WNT7A: variants seen among roughly 807,000 people sequenced by gnomAD.
WNT7A encodes Wnt family member 7A, also known as protein Wnt-7a.
In WNT7A, 16 loss-of-function variants were observed where a neutral mutation model predicts 28.2. That is an observed-to-expected ratio of 0.57 (90% CI 0.38 to 0.86). The LOEUF is 0.86. WNT7A is among the 40% of genes least tolerant of loss of function. WNT7A has a pLI of 0.00. For missense variants in WNT7A, 411 were observed against 489.7 expected (o/e 0.84, Z 1.52); for synonymous variants, 190 against 195.9 (o/e 0.97, Z 0.25).
chr3:13,856,957 AAGAAGAAGAAGG>A (rs1575069824), intron 2 of WNT7A, among the ~76,000 whole-genome samples: 2 of 105,794 alleles, frequency 1.9e-5, no homozygotes, highest in African/African-American at 4.2e-5. Flanking sequence ...GAAGAAGAAG[AAGAAGAAGAAGG>A]AGAAGAAGAA....
intron 3 of WNT7A, among the ~76,000 whole-genome samples, chr3:13,851,913 TA>T (rs1694644432): frequency 6.6e-6 from 1 of 152,204 alleles, no homozygotes; most frequent in Non-Finnish European, 1.5e-5. Flanking sequence ...ACTATAATTC[TA>T]AAATCACCTC....
At chr3:13,855,564 A>C (rs1052416369) in intron 2 of WNT7A, among the ~76,000 whole-genome samples, 7 of 152,136 alleles carry the variant, frequency 4.6e-5, no homozygotes, top group African/African-American at 1.4e-4. Flanking sequence ...CAGGGTCCTG[A>C]GCAGCTGGGG....
chr3:13,850,035 G>A (rs1694602216), intron 3 of WNT7A, among the ~76,000 whole-genome samples: 2 of 152,238 alleles, frequency 1.3e-5, no homozygotes, highest in South Asian at 4.1e-4. Flanking sequence ...AAGAAACCAA[G>A]GCCCTGAAAG....
intron 2 of WNT7A, among the ~76,000 whole-genome samples, chr3:13,872,853 C>A (rs193299498): frequency 6.6e-6 from 1 of 152,140 alleles, no homozygotes. Context: ...GAAAATTATA[C>A]GGGAATGAAC....
chr3:13,831,324 C>T (rs1165718031), intron 3 of WNT7A, among the ~76,000 whole-genome samples: 4 of 152,188 alleles, frequency 2.6e-5, no homozygotes, highest in African/African-American at 9.7e-5. Context: ...GGAAGGTTGA[C>T]CATCATCAGC....
At position 13,852,540 on chromosome 3, in the gene WNT7A, C is replaced by T. The variant is rs553182483; in HGVS notation, c.570+1992G>A. Among the ~76,000 whole-genome samples, 6 of 152,302 alleles carry T rather than the reference C, an allele frequency of 3.9e-5. No homozygotes were observed. In the East Asian group the frequency reaches 5.8e-4, roughly 15 times the overall value. On this transcript the variant is annotated intron_variant, in intron 3 of 3. Coordinates refer to ENST00000285018, the MANE Select transcript of WNT7A (RefSeq NM_004625.4). ...ACAAGGAGTGGGTCATAGTCCCAAT[C>T]GACAGATGTGGAAACTGAGGTCGCA...
At chr3:13,857,333 G>A (rs1360130794) in intron 2 of WNT7A, among the ~76,000 whole-genome samples, 1 of 152,184 alleles carries the variant, frequency 6.6e-6, no homozygotes, top group African/African-American at 2.4e-5. Flanking sequence ...CAGGCTTTGA[G>A]TGCTGCTGAG....
chr3:13,837,224 C>T (rs1360232870), intron 3 of WNT7A, among the ~76,000 whole-genome samples: 1 of 152,178 alleles, frequency 6.6e-6, no homozygotes, highest in Non-Finnish European at 1.5e-5. Context: ...ACACCAAGCC[C>T]ATTCCTGCCC....
At chr3:13,840,862 T>C (rs1694446453) in intron 3 of WNT7A, among the ~76,000 whole-genome samples, 1 of 152,150 alleles carries the variant, frequency 6.6e-6, no homozygotes, top group Admixed American at 6.5e-5. Flanking sequence ...CACTCAGCCA[T>C]GCACTCATCC....
chr3:13,865,337 C>T lies in WNT7A; in HGVS notation c.298+9610G>A, dbSNP rs115058943. Among the ~76,000 whole-genome samples the T allele has an allele frequency of 8.3e-3, 1,265 of 152,240 alleles. 15 individuals are homozygous for T. The highest frequency in any genetic ancestry group is 0.029 in the African/African-American group (1,190 of 41,536). On this transcript the variant is annotated intron_variant, in intron 2 of 3. Coordinates refer to ENST00000285018, the MANE Select transcript of WNT7A (RefSeq NM_004625.4). The stretch of plus-strand genomic sequence containing the variant: ...TCTCCCCGGGGCAGCTGGCAGTAGG[C>T]GGCAGGTGGAGCCTGGGAACGGGCA...
At chr3:13,840,345 T>G (rs1694436366) in intron 3 of WNT7A, among the ~76,000 whole-genome samples, 1 of 152,190 alleles carries the variant, frequency 6.6e-6, no homozygotes, top group Admixed American at 6.5e-5. Context: ...GTTTGTTGTC[T>G]CCCTTCCCCC....
chr3:13,833,584 T>A (rs1416658558), intron 3 of WNT7A, among the ~76,000 whole-genome samples: 1 of 152,230 alleles, frequency 6.6e-6, no homozygotes, highest in African/African-American at 2.4e-5. Flanking sequence ...AGATGCATTC[T>A]GGGTGCCTCT....
chr3:13,859,329 AG>A (rs1363106003), intron 2 of WNT7A, among the ~76,000 whole-genome samples: 3 of 152,202 alleles, frequency 2.0e-5, no homozygotes, highest in Non-Finnish European at 4.4e-5. Context: ...CCCTGCCAAA[AG>A]CTGTGTGACC....
At chr3:13,843,673 G>T (rs1478766685) in intron 3 of WNT7A, among the ~76,000 whole-genome samples, 1 of 150,150 alleles carries the variant, frequency 6.7e-6, no homozygotes, top group Non-Finnish European at 1.5e-5. Context: ...TGTGAGACTT[G>T]GCCAGGAAAA....
At position 13,879,830 on chromosome 3, in the gene WNT7A, C is replaced by A; in HGVS notation, c.-14G>T. On this transcript the variant is annotated 5_prime_UTR_variant, in exon 1 of 4. Coordinates refer to ENST00000285018, the MANE Select transcript of WNT7A (RefSeq NM_004625.4). ...TTTCCGGTTCATAGTCCCGATTGGC[C>A]GCCGGGGCCGCGGGCCGGGCTGTGC... The A allele has an allele frequency of 1.9e-6, 3 of 1,606,974 alleles. No individual in the cohort carries two copies. Among genetic ancestry groups the A allele is most frequent in the Non-Finnish European group, 2.5e-6 (3 of 1,176,516 alleles).
intron 3 of WNT7A, among the ~76,000 whole-genome samples, chr3:13,844,033 C>T (rs1304385277): frequency 2.0e-5 from 3 of 152,156 alleles, no homozygotes; most frequent in Non-Finnish European, 2.9e-5. Flanking sequence ...AGGCGGGAGC[C>T]ACCGTGCCTG....
At chr3:13,873,157 TC>T in intron 2 of WNT7A, among the ~76,000 whole-genome samples, 1 of 151,962 alleles carries the variant, frequency 6.6e-6, no homozygotes, top group East Asian at 1.9e-4. Context: ...CCCGGGACAG[TC>T]CCATTCTCTC....
Position 13,874,473 on chromosome 3 carries a change from T to C in WNT7A, c.298+474A>G, listed in dbSNP as rs533658529. 8.6e-5 allele frequency among the ~76,000 whole-genome samples: 13 copies of C among 151,926 alleles called. No individual in the cohort carries two copies. In the South Asian group the frequency reaches 1.5e-3, roughly 17 times the overall value. ...CAGGAATGCACAGGACGGGCAGCAG[T>C]AGGGAGTGGTGGGGACTGCGGCAGT... is the stretch of plus-strand genomic sequence containing the variant. On this transcript the variant is annotated intron_variant, in intron 2 of 3. Coordinates refer to ENST00000285018, the MANE Select transcript of WNT7A (RefSeq NM_004625.4).
intron 1 of WNT7A, among the ~76,000 whole-genome samples, chr3:13,876,537 A>G (rs13318092): frequency 0.25 from 38,719 of 152,104 alleles, 7,124 homozygotes; most frequent in African/African-American, 0.52. Flanking sequence ...GAGCCACTGG[A>G]CAAGTGCCTC....
Sources: allele counts gnomAD v4.1 joint callset (sites outside exome capture counted in the v4.1 genomes callset), GRCh38; gene constraint gnomAD v4.1.1; transcripts MANE v1.5; gene names NCBI Gene and HGNC (gene_info 2026-07-23, HGNC 2026-07-21).